Variants in GARNL3 observed in about 807,000 individuals in gnomAD.
GARNL3 encodes GTPase activating Rap/RanGAP domain like 3.
In GARNL3, 63 loss-of-function variants were observed where a neutral mutation model predicts 125.0. That is an observed-to-expected ratio of 0.50 (90% CI 0.41 to 0.62). The LOEUF (loss-of-function observed/expected upper bound fraction) is 0.62. GARNL3 is among the 20% of genes least tolerant of loss of function. GARNL3 has a pLI of 0.00. For missense variants in GARNL3, 994 were observed against 1,244.0 expected (o/e 0.80, Z 3.02); for synonymous variants, 439 against 457.5 (o/e 0.96, Z 0.52).
intron 4 of GARNL3, among the ~76,000 whole-genome samples, chr9:127,314,364 A>G (rs560416246): frequency 1.3e-5 from 2 of 152,326 alleles, no homozygotes; most frequent in South Asian, 2.1e-4. Context: ...GTGCAAGGCC[A>G]TGCCCGGGAA....
intron 2 of GARNL3, among the ~76,000 whole-genome samples, chr9:127,255,895 A>G (rs1480082670): frequency 6.6e-6 from 1 of 152,162 alleles, no homozygotes; most frequent in Non-Finnish European, 1.5e-5. Flanking sequence ...TAGGGATTGC[A>G]GAAACACCTG....
intron 3 of GARNL3, among the ~76,000 whole-genome samples, chr9:127,313,116 A>G (rs760879213): frequency 4.6e-5 from 7 of 152,114 alleles, no homozygotes; most frequent in Non-Finnish European, 5.9e-5. Context: ...CAGGAATTCC[A>G]GGCATCACTT....
intron 2 of GARNL3, among the ~76,000 whole-genome samples, chr9:127,246,422 G>A (rs2063304772): frequency 6.6e-6 from 1 of 152,152 alleles, no homozygotes; most frequent in Non-Finnish European, 1.5e-5. Flanking sequence ...TCAACTCAGG[G>A]AGCTGAGTAG....
chr9:127,277,045 A>G (rs1474540432), intron 1 of GARNL3, among the ~76,000 whole-genome samples: 1 of 152,190 alleles, frequency 6.6e-6, no homozygotes, highest in African/African-American at 2.4e-5. Context: ...TACTTGAAAG[A>G]TCCATGATCT....
intron 19 of GARNL3, 52 bp from the exon 20 acceptor site, chr9:127,355,245 G>T: frequency 6.6e-7 from 1 of 1,517,472 alleles, no homozygotes; most frequent in Non-Finnish European, 9.1e-7. Context: ...AAGGTCTGGG[G>T]GCTTCCACAC....
intron 9 of GARNL3, among the ~76,000 whole-genome samples, chr9:127,333,969 A>G (rs7869112): frequency 0.54 from 81,999 of 151,468 alleles, 22,745 homozygotes; most frequent in East Asian, 0.67. Context: ...AGTCCAAACA[A>G]GAGACAGGGT....
At chr9:127,274,748 T>TGTATAATAGTTTATTTTTC (rs1285058737) in intron 1 of GARNL3, among the ~76,000 whole-genome samples, 42 of 152,308 alleles carry the variant, frequency 2.8e-4, no homozygotes, top group African/African-American at 9.6e-4. Flanking sequence ...TTTTGATCAA[T>TGTATAATAGTTTATTTTTC]GTATAATAGT....
intron 12 of GARNL3, 62 bp from the exon 13 acceptor site, chr9:127,339,583 G>A: frequency 1.7e-6 from 2 of 1,195,838 alleles, no homozygotes; most frequent in South Asian, 2.4e-5. Flanking sequence ...TGGCGATTTG[G>A]GTGGGGACAC....
At chr9:127,338,042 A>G in intron 11 of GARNL3, 74 bp from the exon 12 acceptor site, 1 of 1,107,490 alleles carries the variant, frequency 9.0e-7, no homozygotes, top group Non-Finnish European at 1.4e-6. Flanking sequence ...GACTCTGCAC[A>G]AGGGATTTTC....
intron 22 of GARNL3, among the ~76,000 whole-genome samples, chr9:127,375,156 T>G (rs1419068654): frequency 6.6e-6 from 1 of 151,976 alleles, no homozygotes; most frequent in Admixed American, 6.6e-5. Context: ...CTTCTAGGAA[T>G]GGATGCAAAA....
At chr9:127,368,330 CTTTTTT>C (rs113907432) in intron 22 of GARNL3, among the ~76,000 whole-genome samples, 24 of 128,972 alleles carry the variant, frequency 1.9e-4, no homozygotes, top group African/African-American at 6.9e-4. Flanking sequence ...AAATACATTT[CTTTTTT>C]TTTTTTTTTT....
At chr9:127,231,057 T>A (rs1372865111) in intron 1 of GARNL3, among the ~76,000 whole-genome samples, 18,900 of 88,356 alleles carry the variant, frequency 0.21, 2,018 homozygotes, top group Non-Finnish European at 0.3. Context: ...TATATTTTTT[T>A]TTTTTTTTTT....
At chr9:127,351,378 G>C (rs185408021) in intron 17 of GARNL3, among the ~76,000 whole-genome samples, 1 of 152,050 alleles carries the variant, frequency 6.6e-6, no homozygotes, top group Admixed American at 6.5e-5. Flanking sequence ...ACAGGATGGT[G>C]GGTGTAGCTG....
chr9:127,282,691 A>C (rs2064135338), intron 1 of GARNL3, among the ~76,000 whole-genome samples: 1 of 152,192 alleles, frequency 6.6e-6, no homozygotes, highest in Non-Finnish European at 1.5e-5. Flanking sequence ...CTAAGTAAAA[A>C]TATTGTTCCT....
intron 3 of GARNL3, among the ~76,000 whole-genome samples, chr9:127,312,034 A>G (rs1390154770): frequency 6.6e-6 from 1 of 152,212 alleles, no homozygotes; most frequent in Admixed American, 6.5e-5. Flanking sequence ...CCAGGGTGGA[A>G]AAACAACTTT....
chr9:127,354,472 G>GA (rs914627674), intron 19 of GARNL3, 62 bp downstream of exon 19: 14 of 950,588 alleles, frequency 1.5e-5, no homozygotes, highest in Non-Finnish European at 2.3e-5. Flanking sequence ...GGCTGCCCAG[G>GA]TTTTACTGAA....
intron 22 of GARNL3, among the ~76,000 whole-genome samples, chr9:127,380,607 T>G (rs1284780437): frequency 6.6e-6 from 1 of 152,060 alleles, no homozygotes; most frequent in Non-Finnish European, 1.5e-5. Context: ...TATTTGGCCA[T>G]AAAAAGGAAT....
chr9:127,309,210 A>G (rs1261801359), intron 2 of GARNL3, among the ~76,000 whole-genome samples: 1 of 152,180 alleles, frequency 6.6e-6, no homozygotes, highest in East Asian at 1.9e-4. Flanking sequence ...AAAAAAGAAG[A>G]AACCTCTGGA....
At chr9:127,308,961 A>C (rs943887694) in intron 2 of GARNL3, among the ~76,000 whole-genome samples, 5 of 152,212 alleles carry the variant, frequency 3.3e-5, no homozygotes, top group African/African-American at 9.7e-5. Flanking sequence ...TGGTAAGTAA[A>C]AGGTAAACAT....
Sources: allele counts gnomAD v4.1 joint callset (sites outside exome capture counted in the v4.1 genomes callset), GRCh38; gene constraint gnomAD v4.1.1; transcripts MANE v1.5; gene names NCBI Gene and HGNC (gene_info 2026-07-23, HGNC 2026-07-21).